GRIK1: variants seen among roughly 807,000 people sequenced by gnomAD.
GRIK1 encodes the protein glutamate receptor ionotropic, kainate 1.
In GRIK1, 69 loss-of-function variants were observed where a neutral mutation model predicts 105.7. That is an observed-to-expected ratio of 0.65 (90% CI 0.54 to 0.80). The LOEUF is 0.80. Ranked by LOEUF, GRIK1 falls within the 30% of genes least tolerant of loss-of-function variation. The pLI is 0.00. For missense variants in GRIK1, 1,109 were observed against 1,167.3 expected (o/e 0.95, Z 0.73); for synonymous variants, 438 against 431.3 (o/e 1.02, Z -0.19).
chr21:29,632,425 A>G (rs2062298501), intron 7 of GRIK1, among the ~76,000 whole-genome samples: 1 of 152,154 alleles, frequency 6.6e-6, no homozygotes, highest in South Asian at 2.1e-4. Flanking sequence ...AATGAACTGG[A>G]TAAATAATAT....
chr21:29,666,860 T>C (rs1281118924), intron 4 of GRIK1, among the ~76,000 whole-genome samples: 1 of 152,072 alleles, frequency 6.6e-6, no homozygotes, highest in African/African-American at 2.4e-5. Context: ...GCAGAAGAGG[T>C]TACATTTTTT....
At chr21:29,541,209 A>T (rs569449869) in intron 16 of GRIK1, among the ~76,000 whole-genome samples, 13 of 151,826 alleles carry the variant, frequency 8.6e-5, no homozygotes, top group South Asian at 6.3e-4. Flanking sequence ...CTCATGATCC[A>T]CCCCCCTTGG....
intron 1 of GRIK1, among the ~76,000 whole-genome samples, chr21:29,880,359 T>G (rs1490358327): frequency 6.6e-6 from 1 of 152,168 alleles, no homozygotes; most frequent in Non-Finnish European, 1.5e-5. Flanking sequence ...CAACTTCAGA[T>G]GTGCATTAAG....
chr21:29,772,966 G>T (rs2145741860), intron 1 of GRIK1, among the ~76,000 whole-genome samples: 1 of 152,068 alleles, frequency 6.6e-6, no homozygotes, highest in East Asian at 1.9e-4. Flanking sequence ...AACCTGTATT[G>T]CTCCATTTAG....
At chr21:29,672,925 T>C (rs1441161105) in intron 4 of GRIK1, 58 bp downstream of exon 4, 11 of 1,301,280 alleles carry the variant, frequency 8.5e-6, no homozygotes, top group African/African-American at 3.0e-5. Context: ...GATGGCATTT[T>C]TGAAAAATAG....
chr21:29,585,274 C>T (rs977958182), intron 12 of GRIK1, among the ~76,000 whole-genome samples: 1 of 151,892 alleles, frequency 6.6e-6, no homozygotes, highest in Non-Finnish European at 1.5e-5. Context: ...ATATGGAGGT[C>T]TGGGTCACCA....
At chr21:29,693,157 C>T (rs1216367116) in intron 2 of GRIK1, among the ~76,000 whole-genome samples, 1 of 152,162 alleles carries the variant, frequency 6.6e-6, no homozygotes, top group Non-Finnish European at 1.5e-5. Context: ...TCCACATAAA[C>T]ACATTTATTT....
At chr21:29,629,635 G>A (rs982024413) in intron 7 of GRIK1, among the ~76,000 whole-genome samples, 5 of 152,036 alleles carry the variant, frequency 3.3e-5, no homozygotes, top group East Asian at 1.9e-4. Flanking sequence ...GACTAGAGGC[G>A]CCCGCCACCA....
chr21:29,697,121 C>A (rs1233443004), intron 1 of GRIK1, among the ~76,000 whole-genome samples: 2 of 152,190 alleles, frequency 1.3e-5, no homozygotes, highest in African/African-American at 2.4e-5. Context: ...TAAATGTTTT[C>A]ATTTCATCAA....
chr21:29,590,739 G>A (rs1354283340), intron 10 of GRIK1, among the ~76,000 whole-genome samples: 1 of 152,148 alleles, frequency 6.6e-6, no homozygotes, highest in Non-Finnish European at 1.5e-5. Flanking sequence ...GTAGCAGTTG[G>A]GAGGGAACAG....
At chr21:29,581,833 A>G (rs2091029817) in intron 12 of GRIK1, among the ~76,000 whole-genome samples, 1 of 152,124 alleles carries the variant, frequency 6.6e-6, no homozygotes, top group Non-Finnish European at 1.5e-5. Context: ...TCATTTCCAT[A>G]TTACTGAACA....
chr21:29,586,131 A>G (rs1200449809), intron 12 of GRIK1, among the ~76,000 whole-genome samples: 3 of 152,228 alleles, frequency 2.0e-5, no homozygotes, highest in African/African-American at 7.2e-5. Flanking sequence ...CACTATATAC[A>G]TACTGTCAAT....
intron 15 of GRIK1, among the ~76,000 whole-genome samples, chr21:29,560,339 C>CTTTCTTTCTTTT: frequency 8.6e-6 from 1 of 115,800 alleles, no homozygotes. Flanking sequence ...TTCTTTCTTT[C>CTTTCTTTCTTTT]TTTCTTTCTT....
intron 1 of GRIK1, among the ~76,000 whole-genome samples, chr21:29,752,286 A>T (rs950160443): frequency 2.0e-5 from 3 of 152,218 alleles, no homozygotes; most frequent in African/African-American, 7.2e-5. Flanking sequence ...TCCAGGAATG[A>T]TATCCTTAAC....
chr21:29,550,107 C>CAAAAAAAAAA (rs34939329), intron 16 of GRIK1, among the ~76,000 whole-genome samples: 2 of 53,476 alleles, frequency 3.7e-5, no homozygotes, highest in African/African-American at 1.7e-4. Context: ...GACTCCATCT[C>CAAAAAAAAAA]AAAAAAAAAA....
chr21:29,559,632 G>T (rs2090343648), intron 15 of GRIK1, among the ~76,000 whole-genome samples: 1 of 152,148 alleles, frequency 6.6e-6, no homozygotes, highest in African/African-American at 2.4e-5. Flanking sequence ...CTAACACCAG[G>T]TAGTTAGCAG....
At chr21:29,896,884 A>G (rs1041154189) in intron 1 of GRIK1, among the ~76,000 whole-genome samples, 11 of 152,148 alleles carry the variant, frequency 7.2e-5, no homozygotes, top group Non-Finnish European at 1.6e-4. Context: ...ACCTCACCCC[A>G]TCCAAACTCC....
At chr21:29,736,170 T>C (rs1555880813) in intron 1 of GRIK1, among the ~76,000 whole-genome samples, 1 of 151,854 alleles carries the variant, frequency 6.6e-6, no homozygotes, top group Non-Finnish European at 1.5e-5. Flanking sequence ...GAAAGAGTTA[T>C]AAAAATCAGA....
In GRIK1 at chr21:29,554,907, A is replaced by G. The variant is rs927513270; in HGVS notation, c.2607+145T>C. The G allele has an allele frequency of 1.3e-5, 8 of 635,510 alleles. 1 individual carries two copies. The highest frequency in any genetic ancestry group is 1.2e-4 in the Admixed American group (4 of 33,480). The allele number at this position is 635,510 out of a possible 1,614,324, so 39.4% of individuals were successfully genotyped here. A position where few individuals can be genotyped will look rare whatever the true frequency, so the allele number is the denominator to read the frequency against. On this transcript the variant is annotated intron_variant, in intron 16 of 17. Transcript: ENST00000327783. ...GCCCACAGCACCTGGCAGGGATTCA[A>G]TAGCTCTCTGCTCTAACTCAAAAAT...
Sources: gnomAD v4.1 joint callset for allele counts (sites outside exome capture counted in the v4.1 genomes callset) on GRCh38, gnomAD v4.1.1 for gene constraint, MANE v1.5 for transcripts, NCBI Gene and HGNC (gene_info 2026-07-23, HGNC 2026-07-21) for gene names.